SORT1: variants seen among roughly 807,000 people sequenced by gnomAD.
The protein encoded by SORT1 is sortilin 1.
SORT1 carries 39 observed loss-of-function variants against 101.7 expected under a neutral mutation model. The ratio of observed to expected loss-of-function variants is 0.38; its 90% confidence interval spans 0.30 to 0.50. The LOEUF (loss-of-function observed/expected upper bound fraction) is 0.50. SORT1 is among the 20% of genes least tolerant of loss of function. The pLI is 0.90. For synonymous variants in SORT1, 396 were observed against 393.7 expected, an observed-to-expected ratio of 1.01 and a Z score of -0.07; for missense variants, 878 against 1,040.4, an observed-to-expected ratio of 0.84 and a Z score of 2.15.
rs1557822604 is a variant in SORT1 at position 109,378,738 on chromosome 1, ATATATATATATATATATATATAT to A, written c.307-9172_307-9150del. Among the ~76,000 whole-genome samples the A allele has an allele frequency of 3.5e-4, 37 of 105,192 alleles. 1 individual carries two copies. Among genetic ancestry groups the A allele is most frequent in the African/African-American group, 1.4e-3 (35 of 24,300 alleles). The allele number at this position is 105,192 out of a possible 152,430, so 69.0% of individuals were successfully genotyped here. On this transcript the variant is annotated intron_variant, in intron 1 of 19. Coordinates refer to ENST00000256637, the MANE Select transcript of SORT1 (RefSeq NM_002959.7). ...TATATATATATATATATATATATAT[ATATATATATATATATATATATAT>A]AAAGATGTTATGTGTTAGTTGTATA...
At chr1:109,358,872 AAC>A (rs1451280796) in intron 3 of SORT1, among the ~76,000 whole-genome samples, 3 of 152,100 alleles carry the variant, frequency 2.0e-5, no homozygotes, top group Admixed American at 6.6e-5. Flanking sequence ...AAAAAAAAGA[AAC>A]AAGTCTTTTT....
At chr1:109,352,428 C>T (rs543962707) in intron 5 of SORT1, among the ~76,000 whole-genome samples, 23 of 152,216 alleles carry the variant, frequency 1.5e-4, no homozygotes, top group African/African-American at 5.5e-4. Flanking sequence ...GAGGGATTGG[C>T]CAATAGTTTG....
chr1:109,313,022 A>C lies in SORT1; in HGVS notation c.*1021T>G, dbSNP rs998152795. The stretch of plus-strand genomic sequence containing the variant: ...GTTCCATGTACAACAGCAACCTAAG[A>C]AGCAGCAGATAGGCAGCCATTGTCA... On this transcript the variant is annotated 3_prime_UTR_variant, in exon 20 of 20. Coordinates refer to ENST00000256637, the MANE Select transcript of SORT1 (RefSeq NM_002959.7). The C allele has an allele frequency of 1.3e-5, 2 of 152,228 alleles. No individual in the cohort carries two copies. Among genetic ancestry groups the C allele is most frequent in the Non-Finnish European group, 2.9e-5 (2 of 68,042 alleles). The allele number at this position is 152,228 out of a possible 1,614,324, so 9.4% of individuals were successfully genotyped here. A position where few individuals can be genotyped will look rare whatever the true frequency, so the allele number is the denominator to read the frequency against.
chr1:109,387,295 AAAAT>A (rs1570989613), intron 1 of SORT1, among the ~76,000 whole-genome samples: 1 of 152,228 alleles, frequency 6.6e-6, no homozygotes, highest in Non-Finnish European at 1.5e-5. Flanking sequence ...TCAGTCTCAA[AAAAT>A]AAATAAATAA....
At position 109,354,388 on chromosome 1, in the gene SORT1, A is replaced by G; in HGVS notation, c.687T>C (p.Tyr229=). 1.2e-6 allele frequency: 2 copies of G among 1,613,726 alleles called. No individual in the cohort carries two copies. The highest frequency in any genetic ancestry group is 1.7e-6 in the Non-Finnish European group (2 of 1,179,752). The change falls in exon 5 of 20, where the codon TAT becomes TAC. Residue 229 remains tyrosine (Y), a synonymous_variant. Coordinates refer to ENST00000256637, the MANE Select transcript of SORT1 (RefSeq NM_002959.7). The stretch of plus-strand genomic sequence containing the variant: ...TTACTTCAGTGCTGAGAGCTAAAAG[A>G]TAATCAGAATTCTGAGGGCTATACA... ...QMMYSPQNSD[Y]LLALSTENGL... is the part of the protein sequence containing the mutation.
At chr1:109,395,914 AAAAG>A (rs1571001614) in intron 1 of SORT1, among the ~76,000 whole-genome samples, 1 of 152,074 alleles carries the variant, frequency 6.6e-6, no homozygotes, top group South Asian at 2.1e-4. Context: ...GTTTCTTAAA[AAAAG>A]AAAGAAAGAA....
chr1:109,355,278 T>C, intron 4 of SORT1, 89 bp downstream of exon 4: 2 of 751,012 alleles, frequency 2.7e-6, no homozygotes, highest in Non-Finnish European at 4.8e-6. Context: ...TACATTACTG[T>C]GAATCACTGG....
chr1:109,343,086 C>T (rs72977121), intron 8 of SORT1, among the ~76,000 whole-genome samples: 2,905 of 152,180 alleles, frequency 0.019, 103 homozygotes, highest in African/African-American at 0.067. Flanking sequence ...TAGGAAGCTA[C>T]CTCTGGAATT....
At chr1:109,350,433 G>A (rs1017394592) in intron 6 of SORT1, among the ~76,000 whole-genome samples, 1 of 152,160 alleles carries the variant, frequency 6.6e-6, no homozygotes, top group Non-Finnish European at 1.5e-5. Flanking sequence ...GCAGGCACCC[G>A]GAGGGGCAGG....
chr1:109,315,889 C>T (rs1224660516), intron 17 of SORT1, among the ~76,000 whole-genome samples: 1 of 151,354 alleles, frequency 6.6e-6, no homozygotes, highest in Non-Finnish European at 1.5e-5. Flanking sequence ...TCCTGAGTAG[C>T]TGGGACTACA....
At chr1:109,389,721 G>C (rs1192306883) in intron 1 of SORT1, 1 of 152,240 alleles carries the variant, frequency 6.6e-6, no homozygotes, top group East Asian at 1.9e-4. Flanking sequence ...CAGAAGTTTA[G>C]GAGTGCTTTT....
intron 1 of SORT1, among the ~76,000 whole-genome samples, chr1:109,372,898 CAAA>C (rs34712891): frequency 4.1e-5 from 4 of 98,312 alleles, no homozygotes; most frequent in Admixed American, 2.3e-4. Context: ...GGCTCCGTCT[CAAA>C]AAAAAAAAAA....
At chr1:109,356,101 G>A (rs1650302941) in intron 3 of SORT1, among the ~76,000 whole-genome samples, 1 of 152,092 alleles carries the variant, frequency 6.6e-6, no homozygotes. Flanking sequence ...TGACTCCCAA[G>A]CTCAAAGTGA....
At chr1:109,347,393 G>T in intron 7 of SORT1, 90 bp downstream of exon 7, 1 of 813,222 alleles carries the variant, frequency 1.2e-6, no homozygotes, top group Non-Finnish European at 2.1e-6. Flanking sequence ...AGAATGGAGG[G>T]ACCTTTTATG....
Position 109,327,043 on chromosome 1 carries a change from C to G in SORT1, c.1592G>C (p.Gly531Ala). Residue 531 changes from glycine (G) to alanine (A), a missense_variant, in exon 13 of 20, where the codon GGA (glycine) becomes GCA (alanine). Coordinates refer to ENST00000256637, the MANE Select transcript of SORT1 (RefSeq NM_002959.7). ...GPHYYTILDS[G>A]GIIVAIEHSS... Reference sequence around the variant, plus strand: ...GTGCTCAATGGCCACAATGATGCCTCCAGAATCCAGGATGGTGTAATAGTG... The same window carrying G: ...GTGCTCAATGGCCACAATGATGCCTGCAGAATCCAGGATGGTGTAATAGTG... The G allele has an allele frequency of 6.2e-7, 1 of 1,612,736 alleles. No homozygotes were observed. Among genetic ancestry groups the G allele is most frequent in the Non-Finnish European group, 8.5e-7 (1 of 1,179,938 alleles).
chr1:109,326,051 CTTCTT>C lies in SORT1; in HGVS notation c.1643+936_1643+940del, dbSNP rs1294231153. Among the ~76,000 whole-genome samples, 65 of 147,720 alleles carry C rather than the reference CTTCTT, an allele frequency of 4.4e-4. 1 individual carries two copies. Among genetic ancestry groups the C allele is most frequent in the Non-Finnish European group, 2.1e-4 (14 of 66,650 alleles). Reference sequence around the variant, plus strand: ...TCAAATTATTTTATAAGAACTTATACTTCTTTTTTTTTTTTTTTTGAGACGGGATC... The same window carrying C: ...TCAAATTATTTTATAAGAACTTATACTTTTTTTTTTTTTTGAGACGGGATC... On this transcript the variant is annotated intron_variant, in intron 13 of 19. Transcript: ENST00000256637.
chr1:109,353,043 A>T (rs1557804353), intron 5 of SORT1, among the ~76,000 whole-genome samples: 4 of 152,054 alleles, frequency 2.6e-5, no homozygotes, highest in Admixed American at 1.3e-4. Flanking sequence ...GCTAACTCTG[A>T]GGCCGGACAC....
At chr1:109,355,605 C>T (rs1274382060) in intron 3 of SORT1, 136 bp from the exon 4 acceptor site, 30 of 565,030 alleles carry the variant, frequency 5.3e-5, no homozygotes, top group Non-Finnish European at 9.5e-5. Context: ...ACATTCCTAG[C>T]TCCAGAGGTG....
chr1:109,355,999 G>C (rs956807151), intron 3 of SORT1, among the ~76,000 whole-genome samples: 7 of 152,062 alleles, frequency 4.6e-5, no homozygotes, highest in Non-Finnish European at 7.4e-5. Context: ...AGCCTCCCGA[G>C]TAGCTGGAAT....
Sources: gnomAD v4.1 joint callset for allele counts (sites outside exome capture counted in the v4.1 genomes callset) on GRCh38, gnomAD v4.1.1 for gene constraint, MANE v1.5 for transcripts, NCBI Gene and HGNC (gene_info 2026-07-23, HGNC 2026-07-21) for gene names.